PMM2: variants seen among roughly 807,000 people sequenced by gnomAD.
PMM2 encodes phosphomannomutase 2.
PMM2 carries 35 observed loss-of-function variants against 33.2 expected under a neutral mutation model. The observed-to-expected ratio is 1.06, with a 90% CI of 0.81 to 1.40. The LOEUF (loss-of-function observed/expected upper bound fraction) is 1.40. Among genes scored for constraint, PMM2 ranks in the 40% most tolerant of loss-of-function variants. The pLI, the probability that PMM2 is intolerant of heterozygous loss-of-function variation, is 0.00. For missense variants in PMM2, 386 were observed against 306.0 expected, an observed-to-expected ratio of 1.26 and a Z score of -1.95; for synonymous variants, 153 against 114.7, an observed-to-expected ratio of 1.33 and a Z score of -2.13.
At chr16:8,798,745 C>G (rs1440879099) in intron 1 of PMM2, among the ~76,000 whole-genome samples, 1 of 152,112 alleles carries the variant, frequency 6.6e-6, no homozygotes, top group East Asian at 1.9e-4. Context: ...GCTCTCCTGG[C>G]CCCTTTTCAG....
chr16:8,806,750 C>A, intron 4 of PMM2: 1 of 329,214 alleles, frequency 3.0e-6, no homozygotes, highest in Non-Finnish European at 5.8e-6. Context: ...TAAATGATGG[C>A]TTATCCACAT....
At chr16:8,824,279 G>T (rs1407741510) in intron 7 of PMM2, among the ~76,000 whole-genome samples, 1 of 152,044 alleles carries the variant, frequency 6.6e-6, no homozygotes, top group Non-Finnish European at 1.5e-5. Context: ...AGTTATCAGA[G>T]ACCTGCATTC....
chr16:8,820,157 A>G (rs867716823), intron 7 of PMM2, among the ~76,000 whole-genome samples: 9 of 152,154 alleles, frequency 5.9e-5, no homozygotes, highest in Admixed American at 2.6e-4. Context: ...AGATTGTGCC[A>G]TTGCACTCCA....
intron 7 of PMM2, among the ~76,000 whole-genome samples, chr16:8,817,935 G>C (rs2060717120): frequency 7.8e-6 from 1 of 128,766 alleles, no homozygotes; most frequent in African/African-American, 3.0e-5. Context: ...ACAGAGTCTT[G>C]CTCTGTCACC....
Position 8,803,760 on chromosome 16 carries a change from T to C in PMM2, c.179-1007T>C, listed in dbSNP as rs145571257. Among the ~76,000 whole-genome samples, 606 of 152,242 alleles carry C rather than the reference T, an allele frequency of 4.0e-3. 5 individuals carry two copies. Among genetic ancestry groups the C allele is most frequent in the African/African-American group, 0.014 (564 of 41,552 alleles). On this transcript the variant is annotated intron_variant, in intron 2 of 7. Transcript: ENST00000268261. ...GTGCAGTGGCACAATCTTGGCTCAC[T>C]GTAACCTCTGCGTCCTGGGTTCAAG... is the stretch of plus-strand genomic sequence containing the variant.
chr16:8,845,131 G>A (rs9929742), intron 7 of PMM2, among the ~76,000 whole-genome samples: 47,904 of 152,018 alleles, frequency 0.32, 7,995 homozygotes, highest in African/African-American at 0.42. Flanking sequence ...AAAGAGAGTC[G>A]GCAAAGGGTG....
Position 8,811,010 on chromosome 16 carries a change from G to C in PMM2, c.348-69G>C, listed in dbSNP as rs905636114. The C allele has an allele frequency of 5.8e-5, 46 of 798,868 alleles. 1 individual carries two copies. Among genetic ancestry groups the C allele is most frequent in the Admixed American group, 4.3e-4 (18 of 41,786 alleles). The allele number at this position is 798,868 out of a possible 1,614,324, so 49.5% of individuals were successfully genotyped here. A position where few individuals can be genotyped will look rare whatever the true frequency, so the allele number is the denominator to read the frequency against. Reference sequence around the variant, plus strand: ...TTTTTAGAATTTCCCAAGATTTTAGGCTGTTTATCTATGTTGCCCAAATGA... The same window carrying C: ...TTTTTAGAATTTCCCAAGATTTTAGCCTGTTTATCTATGTTGCCCAAATGA... On this transcript the variant is annotated intron_variant, in intron 4 of 7. Coordinates refer to ENST00000268261, the MANE Select transcript of PMM2 (RefSeq NM_000303.3).
At chr16:8,836,040 G>GT (rs1567167649) in intron 7 of PMM2, among the ~76,000 whole-genome samples, 1 of 150,852 alleles carries the variant, frequency 6.6e-6, no homozygotes, top group African/African-American at 2.4e-5. Flanking sequence ...GTGCTTAAAA[G>GT]AGTAATGTCT....
chr16:8,828,568 C>A (rs777690088), intron 7 of PMM2, among the ~76,000 whole-genome samples: 5 of 152,182 alleles, frequency 3.3e-5, no homozygotes, highest in African/African-American at 1.2e-4. Flanking sequence ...CCCAAAAATT[C>A]ATGCCCTCTG....
intron 4 of PMM2, chr16:8,808,581 C>G: frequency 6.6e-6 from 1 of 152,234 alleles, no homozygotes; most frequent in Non-Finnish European, 1.5e-5. Flanking sequence ...AGTAAGACTT[C>G]AGAGAGCCCA....
In PMM2 at chr16:8,798,043, G is replaced by A. The variant is rs372275840; in HGVS notation, c.66+95G>A. 3.8e-5 allele frequency: 46 copies of A among 1,224,564 alleles called. 1 individual carries two copies. The highest frequency in any genetic ancestry group is 2.5e-4 in the East Asian group (10 of 39,572). The allele number at this position is 1,224,564 out of a possible 1,614,324, so 75.9% of individuals were successfully genotyped here. A position where few individuals can be genotyped will look rare whatever the true frequency, so the allele number is the denominator to read the frequency against. ...CCACCCAGGGTAGGCGCCAAGGGGTGGCTAAGGACCGCCTACGTCCTCACG... is the reference window on the plus strand; with the variant it reads ...CCACCCAGGGTAGGCGCCAAGGGGTAGCTAAGGACCGCCTACGTCCTCACG... On this transcript the variant is annotated intron_variant, in intron 1 of 7. Transcript: ENST00000268261.
intron 1 of PMM2, among the ~76,000 whole-genome samples, chr16:8,799,054 G>A (rs182536647): frequency 9.2e-5 from 14 of 152,142 alleles, no homozygotes; most frequent in Admixed American, 7.9e-4. Flanking sequence ...TAAAACTCCG[G>A]TCCCCAATTC....
At chr16:8,841,651 C>T (rs1213437199) in intron 7 of PMM2, among the ~76,000 whole-genome samples, 18 of 145,622 alleles carry the variant, frequency 1.2e-4, no homozygotes, top group Admixed American at 9.1e-4. Context: ...TGCTATGTGG[C>T]GATTAGGCCT....
intron 7 of PMM2, among the ~76,000 whole-genome samples, chr16:8,840,805 A>G (rs1266930663): frequency 6.6e-6 from 1 of 151,918 alleles, no homozygotes; most frequent in Non-Finnish European, 1.5e-5. Context: ...TCGAGGTTGT[A>G]GAGTTTGAGG....
intron 7 of PMM2, among the ~76,000 whole-genome samples, chr16:8,833,598 G>T (rs1480337008): frequency 1.3e-5 from 2 of 151,650 alleles, no homozygotes; most frequent in African/African-American, 4.8e-5. Flanking sequence ...GGGATTAGGG[G>T]CGGCGTGGGA....
In PMM2 at chr16:8,811,166, C is replaced by G. The variant is rs550231531; in HGVS notation, c.435C>G (p.Tyr145Ter). Residue 145 changes from tyrosine to a stop codon, truncating the protein, a stop_gained, in exon 5 of 8, where the codon TAC (tyrosine) becomes TAG (stop). Coordinates refer to ENST00000268261, the MANE Select transcript of PMM2 (RefSeq NM_000303.3). LOFTEE classifies it high-confidence loss of function. ...SCSQEERIEF[Y>*]ELDKKENIRQ... ...GCCAAGAAGAACGCATTGAGTTCTACGAACTCGATAAAGTACGTCTTTCTG... is the reference window on the plus strand; with the variant it reads ...GCCAAGAAGAACGCATTGAGTTCTAGGAACTCGATAAAGTACGTCTTTCTG... 13 of 1,558,118 alleles carry G rather than the reference C, an allele frequency of 8.3e-6. No individual in the cohort carries two copies. Among genetic ancestry groups the G allele is most frequent in the Non-Finnish European group, 1.1e-5 (13 of 1,143,818 alleles).
chr16:8,821,829 C>T (rs2060741027), intron 7 of PMM2, among the ~76,000 whole-genome samples: 1 of 152,226 alleles, frequency 6.6e-6, no homozygotes, highest in Admixed American at 6.5e-5. Context: ...AACATCATGA[C>T]CCTGGGCTTG....
At chr16:8,807,983 T>G (rs2060656474) in intron 4 of PMM2, 1 of 152,248 alleles carries the variant, frequency 6.6e-6, no homozygotes, top group Admixed American at 6.5e-5. Flanking sequence ...AGTGATTTCT[T>G]TGAAATCCTT....
intron 7 of PMM2, among the ~76,000 whole-genome samples, chr16:8,823,885 C>T (rs1349099355): frequency 6.6e-6 from 1 of 152,182 alleles, no homozygotes; most frequent in Non-Finnish European, 1.5e-5. Context: ...TGTTAGTCAA[C>T]TTTGTTCCTT....
Sources: allele counts gnomAD v4.1 joint callset (sites outside exome capture counted in the v4.1 genomes callset), GRCh38; gene constraint gnomAD v4.1.1; transcripts MANE v1.5; gene names NCBI Gene and HGNC (gene_info 2026-07-23, HGNC 2026-07-21).